Variants in ZFAT observed in about 807,000 individuals in gnomAD.
ZFAT encodes zinc finger and AT-hook domain containing, also known as zinc finger protein ZFAT.
A neutral mutation model predicts 117.7 loss-of-function variants in ZFAT; 64 were observed. The observed-to-expected ratio is 0.54, with a 90% CI of 0.44 to 0.67. The LOEUF is 0.67. Among genes scored for constraint, ZFAT ranks in the 30% least tolerant of loss-of-function variants. The pLI, the probability that ZFAT is intolerant of heterozygous loss-of-function variation, is 0.00. For missense variants in ZFAT, 1,433 were observed against 1,584.5 expected (o/e 0.90, Z 1.62); for synonymous variants, 679 against 615.0 (o/e 1.10, Z -1.54).
chr8:134,622,381 A>T (rs1829181430), intron 3 of ZFAT, among the ~76,000 whole-genome samples: 1 of 152,218 alleles, frequency 6.6e-6, no homozygotes, highest in South Asian at 2.1e-4. Flanking sequence ...GACATCGCAC[A>T]ACGTGGAATG....
At chr8:134,677,319 T>C (rs2131285985) in intron 1 of ZFAT, among the ~76,000 whole-genome samples, 1 of 152,276 alleles carries the variant, frequency 6.6e-6, no homozygotes, top group Non-Finnish European at 1.5e-5. Context: ...TAAACACCTC[T>C]ATGCAAATAA....
intron 7 of ZFAT, among the ~76,000 whole-genome samples, chr8:134,593,856 G>A (rs1376087219): frequency 1.3e-5 from 2 of 152,318 alleles, no homozygotes; most frequent in East Asian, 3.9e-4. Context: ...GTCAGGCGCT[G>A]CAATGAGGAA....
At chr8:134,552,644 A>G (rs949323196) in intron 11 of ZFAT, among the ~76,000 whole-genome samples, 3 of 152,234 alleles carry the variant, frequency 2.0e-5, no homozygotes, top group African/African-American at 7.2e-5. Context: ...ATACTCATCT[A>G]TACCAAAAGG....
chr8:134,690,116 T>C lies in ZFAT; in HGVS notation c.19+22729A>G, dbSNP rs184562957. On this transcript the variant is annotated intron_variant, in intron 1 of 15. Coordinates refer to ENST00000377838, the MANE Select transcript of ZFAT (RefSeq NM_020863.4). ...AGCACATCAAAGTTTGGACTAGGCA[T>C]GAACCCAGTATTCACATTATTTCCA... 1.2e-3 allele frequency among the ~76,000 whole-genome samples: 190 copies of C among 152,338 alleles called. 1 individual carries two copies. Among genetic ancestry groups the C allele is most frequent in the Non-Finnish European group, 2.2e-3 (150 of 68,030 alleles).
the ZFAT span, among the ~76,000 whole-genome samples, chr8:134,736,855 G>T: frequency 1.3e-5 from 2 of 152,112 alleles, no homozygotes; most frequent in African/African-American, 4.8e-5. Flanking sequence ...CAAAGTGCTG[G>T]GATTACAGGC....
intron 2 of ZFAT, among the ~76,000 whole-genome samples, 168 bp from the exon 3 acceptor site, chr8:134,637,880 A>G (rs1020155951): frequency 1.3e-5 from 2 of 152,236 alleles, no homozygotes; most frequent in African/African-American, 4.8e-5. Flanking sequence ...GTTGGTGCTA[A>G]TATCATTGCA....
the ZFAT span, among the ~76,000 whole-genome samples, chr8:134,749,230 C>A: frequency 6.6e-6 from 1 of 152,280 alleles, no homozygotes; most frequent in Admixed American, 6.5e-5. Context: ...TTAAGATATT[C>A]TCTTATACTA....
Position 134,600,568 on chromosome 8 carries a change from G to A in ZFAT, c.2343C>T (p.Thr781=). Reference sequence around the variant, plus strand: ...TTACGTGGCGTTTAAGGCAGTTTTTGGTGATGGAAGAATAATGACACTGAG... The same window carrying A: ...TTACGTGGCGTTTAAGGCAGTTTTTAGTGATGGAAGAATAATGACACTGAG... ...YCSQCHYSSI[T]KNCLKRHVIQ... is the part of the protein sequence containing the mutation. Residue 781 remains threonine, a synonymous_variant, in exon 7 of 16, where the codon ACC becomes ACT. Transcript: ENST00000377838. 2 of 1,614,058 alleles carry A rather than the reference G, an allele frequency of 1.2e-6. No individual in the cohort carries two copies. The highest frequency in any genetic ancestry group is 1.7e-6 in the Non-Finnish European group (2 of 1,180,016).
chr8:134,762,112 C>T, the ZFAT span, among the ~76,000 whole-genome samples: 1 of 151,974 alleles, frequency 6.6e-6, no homozygotes, highest in African/African-American at 2.4e-5. Context: ...CTCCATTGGC[C>T]AAAGTAAGTC....
chr8:134,703,504 TCA>T (rs1344305299), intron 1 of ZFAT, among the ~76,000 whole-genome samples: 2 of 152,162 alleles, frequency 1.3e-5, no homozygotes, highest in African/African-American at 2.4e-5. Context: ...AGATAGGGCC[TCA>T]CACACAGCAG....
At chr8:134,574,661 T>C (rs1318471500) in intron 10 of ZFAT, among the ~76,000 whole-genome samples, 4 of 152,094 alleles carry the variant, frequency 2.6e-5, no homozygotes. Flanking sequence ...GTTTGAAGTA[T>C]CTGCTAAATT....
intron 11 of ZFAT, among the ~76,000 whole-genome samples, chr8:134,539,304 T>G (rs1182370216): frequency 6.6e-6 from 1 of 152,220 alleles, no homozygotes; most frequent in Non-Finnish European, 1.5e-5. Flanking sequence ...AAAGAGGAGT[T>G]GCTCTGTTGG....
At chr8:134,488,408 G>A (rs1472045784) in intron 15 of ZFAT, among the ~76,000 whole-genome samples, 3 of 152,218 alleles carry the variant, frequency 2.0e-5, no homozygotes, top group South Asian at 2.1e-4. Flanking sequence ...AGTTAGGAAC[G>A]TGAAGTTACA....
the ZFAT span, among the ~76,000 whole-genome samples, chr8:134,806,966 T>G: frequency 6.6e-6 from 1 of 152,224 alleles, no homozygotes; most frequent in Non-Finnish European, 1.5e-5. Flanking sequence ...ATGATTTCCA[T>G]CTTTGTCAAA....
chr8:134,729,477 G>A, the ZFAT span, among the ~76,000 whole-genome samples: 73 of 152,246 alleles, frequency 4.8e-4, 1 homozygote, highest in South Asian at 5.6e-3. Flanking sequence ...GACTACAGGC[G>A]CCTGCCACCA....
chr8:134,599,154 C>T (rs1376677443), intron 7 of ZFAT: 1 of 152,216 alleles, frequency 6.6e-6, no homozygotes, highest in Admixed American at 6.5e-5. Context: ...AACATGCCTT[C>T]ACATGCTACT....
At chr8:134,789,087 T>C in the ZFAT span, among the ~76,000 whole-genome samples, 1 of 152,192 alleles carries the variant, frequency 6.6e-6, no homozygotes, top group Non-Finnish European at 1.5e-5. Flanking sequence ...ATTTGACCCA[T>C]TTGTTTTATG....
At chr8:134,639,129 C>A (rs1352585959) in intron 2 of ZFAT, among the ~76,000 whole-genome samples, 1 of 152,172 alleles carries the variant, frequency 6.6e-6, no homozygotes, top group Non-Finnish European at 1.5e-5. Flanking sequence ...GCTCACAAAT[C>A]AGAGAGGGAG....
chr8:134,601,834 C>T lies in ZFAT; in HGVS notation c.1885G>A (p.Glu629Lys), dbSNP rs578231907. 1.2e-6 allele frequency: 2 copies of T among 1,613,054 alleles called. No individual in the cohort carries two copies. The highest frequency in any genetic ancestry group is 2.2e-5 in the East Asian group (1 of 44,846). Reference sequence around the variant, plus strand: ...TTGGACAGCAGTAGTGTGATCACTTCACCTTGCGTCTGGACTGAGCTTCTG... The same window carrying T: ...TTGGACAGCAGTAGTGTGATCACTTTACCTTGCGTCTGGACTGAGCTTCTG... ...QHRSSVQTQG[E>K]VITLLLSKAQ... The change falls in exon 6 of 16, where the codon GAA becomes AAA. Residue 629 changes from glutamate to lysine, a missense_variant. By Grantham distance (56) the Glu-to-Lys change is moderately conservative. Transcript: ENST00000377838.
Sources: gnomAD v4.1 joint callset for allele counts (sites outside exome capture counted in the v4.1 genomes callset) on GRCh38, gnomAD v4.1.1 for gene constraint, MANE v1.5 for transcripts, NCBI Gene and HGNC (gene_info 2026-07-23, HGNC 2026-07-21) for gene names.